The following DMD variants were observed in gnomAD, a reference collection of about 807,000 sequenced individuals.
The protein encoded by DMD is dystrophin.
Under a neutral mutation model 330.1 loss-of-function variants are expected in DMD, and 63 were observed. That is an observed-to-expected ratio of 0.19 (90% CI 0.16 to 0.24). DMD has a LOEUF of 0.24. Among genes scored for constraint, DMD ranks in the 10% least tolerant of loss-of-function variants. The pLI is 1.00. For missense variants in DMD, 3,344 were observed against 2,684.1 expected (o/e 1.25, Z -5.43); for synonymous variants, 1,223 against 959.8 (o/e 1.27, Z -5.07).
At chrX:32,060,645 C>A (rs1440165931) in intron 44 of DMD, among the ~76,000 whole-genome samples, 1 of 111,722 alleles carries the variant, frequency 9.0e-6, no homozygotes, top group African/African-American at 3.2e-5. Flanking sequence ...GAATTGAGTT[C>A]TTTTAACAAT....
intron 29 of DMD, among the ~76,000 whole-genome samples, chrX:32,430,387 C>G (rs1459744823): frequency 9.0e-6 from 1 of 111,522 alleles, no homozygotes; most frequent in Non-Finnish European, 1.9e-5. Context: ...TATATTACTC[C>G]ATCTCCATTT....
chrX:31,477,428 A>T (rs373662611), intron 59 of DMD, among the ~76,000 whole-genome samples: 18 of 111,809 alleles, frequency 1.6e-4, no homozygotes, highest in African/African-American at 5.2e-4. Context: ...GATTTTTGTG[A>T]TTTTGACAAT....
intron 17 of DMD, among the ~76,000 whole-genome samples, chrX:32,524,590 T>C (rs758430504): frequency 2.7e-5 from 3 of 112,393 alleles, no homozygotes; most frequent in South Asian, 3.7e-4. Flanking sequence ...GCCAAGTATA[T>C]TGGTTATCTC....
chrX:32,258,424 TC>T (rs2097308174), intron 43 of DMD, among the ~76,000 whole-genome samples: 1 of 111,474 alleles, frequency 9.0e-6, no homozygotes, highest in African/African-American at 3.3e-5. Context: ...CAAATGCCCA[TC>T]AATGATAGAC....
At chrX:32,477,467 G>A (rs1172025315) in intron 21 of DMD, among the ~76,000 whole-genome samples, 1 of 110,345 alleles carries the variant, frequency 9.1e-6, no homozygotes, top group East Asian at 2.9e-4. Context: ...CTTAAAAGAG[G>A]GAGGGGCTAA....
chrX:32,708,273 C>T (rs1253744941), intron 7 of DMD, among the ~76,000 whole-genome samples: 1 of 103,448 alleles, frequency 9.7e-6, no homozygotes, highest in Non-Finnish European at 1.9e-5. Flanking sequence ...AGATATTGTA[C>T]AAAATGATCA....
intron 63 of DMD, among the ~76,000 whole-genome samples, chrX:31,240,724 A>G (rs750601746): frequency 1.2e-3 from 133 of 111,966 alleles, no homozygotes; most frequent in African/African-American, 4.0e-3. Context: ...TCAGGTTATC[A>G]TTTATTAGGT....
chrX:31,150,186 A>G (rs939177951), intron 74 of DMD, among the ~76,000 whole-genome samples: 1 of 111,965 alleles, frequency 8.9e-6, no homozygotes, highest in Non-Finnish European at 1.9e-5. Context: ...TAATTCTATC[A>G]TAATTCACTT....
At chrX:31,678,991 G>A (rs2082233408) in intron 53 of DMD, among the ~76,000 whole-genome samples, 2 of 111,584 alleles carry the variant, frequency 1.8e-5, no homozygotes, top group African/African-American at 6.5e-5. Context: ...AGTGCTTTGG[G>A]AGGCCAAGGA....
chrX:32,097,159 T>A (rs1482751159), intron 44 of DMD, among the ~76,000 whole-genome samples: 1 of 111,107 alleles, frequency 9.0e-6, no homozygotes, highest in Non-Finnish European at 1.9e-5. Context: ...GGTACACATG[T>A]GCCATAGTGG....
intron 19 of DMD, among the ~76,000 whole-genome samples, chrX:32,499,423 T>C (rs1371571798): frequency 9.0e-6 from 1 of 111,534 alleles, no homozygotes; most frequent in Non-Finnish European, 1.9e-5. Context: ...CATAATAATA[T>C]GAGTGGTTTA....
intron 55 of DMD, among the ~76,000 whole-genome samples, chrX:31,535,623 C>G (rs2073331164): frequency 9.1e-6 from 1 of 110,377 alleles, no homozygotes; most frequent in East Asian, 2.8e-4. Flanking sequence ...GCAACAAAAG[C>G]CAAAATTGAC....
intron 9 of DMD, among the ~76,000 whole-genome samples, chrX:32,656,062 TA>T (rs937330813): frequency 8.9e-6 from 1 of 111,754 alleles, no homozygotes; most frequent in Non-Finnish European, 1.9e-5. Context: ...CTTCACCCTT[TA>T]TGTAGTATTA....
chrX:32,896,803 A>G (rs981152206), intron 2 of DMD, among the ~76,000 whole-genome samples: 1 of 112,666 alleles, frequency 8.9e-6, no homozygotes, highest in African/African-American at 3.2e-5. Context: ...ATGCATTATC[A>G]GGAGATACAT....
In DMD at chrX:31,444,332, T is replaced by A; in HGVS notation, c.9084+149A>T. The A allele has an allele frequency of 6.1e-6, 4 of 654,602 alleles. No individual in the cohort carries two copies. The South Asian group carries it at 8.2e-5, about 13-fold the overall frequency. The allele number at this position is 654,602 out of a possible 1,213,427, so 53.9% of individuals were successfully genotyped here. On this transcript the variant is annotated intron_variant, in intron 60 of 78. Transcript: ENST00000357033. ...TATTAATAATTTGAAAATGTTTAGA[T>A]GGGAATTATAAACTAATATAAAATA...
At chrX:32,481,446 T>C (rs2041890216) in intron 21 of DMD, among the ~76,000 whole-genome samples, 1 of 111,488 alleles carries the variant, frequency 9.0e-6, no homozygotes, top group Non-Finnish European at 1.9e-5. Context: ...TTTCCTCAAT[T>C]GAAATTCTTT....
intron 43 of DMD, among the ~76,000 whole-genome samples, chrX:32,285,882 T>C (rs371404275): frequency 1.8e-5 from 2 of 110,308 alleles, no homozygotes; most frequent in African/African-American, 6.6e-5. Context: ...GTATTTTTAA[T>C]GGAGACAAGG....
At chrX:33,098,220 C>T (rs1375399149) in intron 1 of DMD, among the ~76,000 whole-genome samples, 1 of 111,471 alleles carries the variant, frequency 9.0e-6, no homozygotes, top group Non-Finnish European at 1.9e-5. Context: ...GAAGAGAAAA[C>T]GAAGCCTCAA....
chrX:33,281,227 G>A, intron 1 of DMD, among the ~76,000 whole-genome samples: 1 of 30,524 alleles, frequency 3.3e-5, no homozygotes, highest in African/African-American at 1.2e-4. Context: ...TTTTTTTTTT[G>A]AGACGGAGTC....
Sources: gnomAD v4.1 joint callset for allele counts (sites outside exome capture counted in the v4.1 genomes callset) on GRCh38, gnomAD v4.1.1 for gene constraint, MANE v1.5 for transcripts, NCBI Gene and HGNC (gene_info 2026-07-23, HGNC 2026-07-21) for gene names.